Variants in MED12L observed in about 807,000 individuals in gnomAD.
MED12L encodes the protein mediator complex subunit 12L.
In MED12L, 60 loss-of-function variants were observed where a neutral mutation model predicts 281.3. The ratio of observed to expected loss-of-function variants is 0.21; its 90% CI spans 0.17 to 0.26. MED12L has a LOEUF of 0.26. Ranked by LOEUF, MED12L falls within the 10% of genes least tolerant of loss-of-function variation. MED12L has a pLI of 1.00. For synonymous variants in MED12L, 974 were observed against 987.2 expected (o/e 0.99, Z 0.25); for missense variants, 2,146 against 2,680.9 (o/e 0.80, Z 4.41).
At chr3:151,219,873 T>C (rs1245000030) in intron 16 of MED12L, among the ~76,000 whole-genome samples, 1 of 142,142 alleles carries the variant, frequency 7.0e-6, no homozygotes, top group Non-Finnish European at 1.5e-5. Context: ...GAAGTGGTTT[T>C]GGTTATTGGT....
chr3:151,387,915 G>A lies in MED12L; in HGVS notation c.5194G>A (p.Asp1732Asn), dbSNP rs771030213. ...SWAWFGTVRV[D>N]RRVIKYEEQH... ...GGCCTGGTTTGGGACAGTCCGAGTGGACCGAAGAGTGATCAAGTACGAGGA... is the reference window on the plus strand; with the variant it reads ...GGCCTGGTTTGGGACAGTCCGAGTGAACCGAAGAGTGATCAAGTACGAGGA... Residue 1732 changes from aspartate (D) to asparagine (N), a missense_variant, in exon 37 of 45, where the codon GAC (aspartate) becomes AAC (asparagine). Physicochemically the swap from Asp to Asn is conservative, Grantham distance 23. Coordinates refer to ENST00000687756, the MANE Select transcript of MED12L (RefSeq NM_001393769.1). 5.0e-6 allele frequency: 8 copies of A among 1,613,964 alleles called. No individual in the cohort carries two copies. The highest frequency in any genetic ancestry group is 1.6e-4 in the Middle Eastern group (1 of 6,082).
At chr3:151,294,826 A>G (rs888845305) in intron 16 of MED12L, 2 of 1,614,184 alleles carry the variant, frequency 1.2e-6, no homozygotes, top group Non-Finnish European at 1.7e-6. Context: ...CCACCTTCAG[A>G]TAGCGATCAA....
At chr3:151,159,130 T>G (rs1310569529) in intron 7 of MED12L, among the ~76,000 whole-genome samples, 1 of 151,212 alleles carries the variant, frequency 6.6e-6, no homozygotes, top group African/African-American at 2.4e-5. Flanking sequence ...ACAAAACAAA[T>G]CATCCCTTTT....
intron 39 of MED12L, among the ~76,000 whole-genome samples, chr3:151,408,580 C>CA (rs1716601596): frequency 6.6e-6 from 1 of 152,106 alleles, no homozygotes; most frequent in Non-Finnish European, 1.5e-5. Context: ...ACACACATAC[C>CA]ATTGCTCTTG....
chr3:151,334,196 C>CTTTTTTTTTT (rs71138494), intron 16 of MED12L, among the ~76,000 whole-genome samples: 31 of 118,188 alleles, frequency 2.6e-4, no homozygotes, highest in Non-Finnish European at 3.9e-4. Flanking sequence ...TTCTTTCTTT[C>CTTTTTTTTTT]TTTTTTTTTT....
intron 2 of MED12L, among the ~76,000 whole-genome samples, chr3:151,095,750 C>T (rs1249606738): frequency 2.0e-5 from 3 of 151,832 alleles, no homozygotes; most frequent in Non-Finnish European, 4.4e-5. Flanking sequence ...TTTTTTAAAG[C>T]CAGATCCTAG....
intron 16 of MED12L, among the ~76,000 whole-genome samples, chr3:151,197,168 TA>T (rs1724775250): frequency 6.6e-6 from 1 of 152,190 alleles, no homozygotes; most frequent in Admixed American, 6.5e-5. Flanking sequence ...TTTATTTATT[TA>T]CTTATTTATT....
intron 16 of MED12L, among the ~76,000 whole-genome samples, chr3:151,242,233 A>C (rs1316423664): frequency 6.6e-6 from 1 of 152,250 alleles, no homozygotes; most frequent in Non-Finnish European, 1.5e-5. Flanking sequence ...GATTAGGTAA[A>C]CAAAGCAGCC....
chr3:151,364,201 C>T (rs1396964323), intron 21 of MED12L, among the ~76,000 whole-genome samples: 1 of 152,162 alleles, frequency 6.6e-6, no homozygotes, highest in African/African-American at 2.4e-5. Flanking sequence ...TCAAATCTTT[C>T]TGCCAGTCTC....
At chr3:151,387,309 T>C (rs1417078781) in intron 36 of MED12L, among the ~76,000 whole-genome samples, 1 of 152,164 alleles carries the variant, frequency 6.6e-6, no homozygotes, top group Non-Finnish European at 1.5e-5. Flanking sequence ...AGAGTATGGC[T>C]TATTAAGTAC....
chr3:151,409,460 GATT>G, intron 40 of MED12L, 128 bp downstream of exon 40: 1 of 743,154 alleles, frequency 1.3e-6, no homozygotes, highest in East Asian at 2.8e-5. Flanking sequence ...TCTACTTATA[GATT>G]ATAATTGATA....
intron 16 of MED12L, among the ~76,000 whole-genome samples, chr3:151,223,858 A>AT (rs1257342716): frequency 1.3e-5 from 2 of 152,152 alleles, no homozygotes; most frequent in African/African-American, 4.8e-5. Flanking sequence ...AGAAAAGAAC[A>AT]TTGCCTACTC....
chr3:151,414,067 G>T (rs913340143), intron 42 of MED12L, among the ~76,000 whole-genome samples: 2 of 152,076 alleles, frequency 1.3e-5, no homozygotes, highest in South Asian at 2.1e-4. Context: ...GGCCAGGCTG[G>T]TCTCAAACTC....
chr3:151,151,807 AAC>A (rs1199861063), intron 5 of MED12L, among the ~76,000 whole-genome samples: 2 of 152,340 alleles, frequency 1.3e-5, no homozygotes, highest in South Asian at 4.1e-4. Context: ...ACCAAAATGT[AAC>A]ACAGAGTCAT....
intron 2 of MED12L, among the ~76,000 whole-genome samples, chr3:151,092,619 G>T (rs530028860): frequency 5.9e-5 from 9 of 152,316 alleles, no homozygotes; most frequent in Admixed American, 2.0e-4. Context: ...CTGTTTTAGA[G>T]GCAGCTGGGG....
chr3:151,122,679 G>A (rs2148775012), intron 3 of MED12L, 104 bp from the exon 4 acceptor site: 2 of 774,480 alleles, frequency 2.6e-6, no homozygotes, highest in Admixed American at 3.5e-5. Flanking sequence ...CTGATGGGAT[G>A]TATGAAGATT....
At chr3:151,333,672 TAGA>T (rs1266229409) in intron 16 of MED12L, among the ~76,000 whole-genome samples, 3 of 152,238 alleles carry the variant, frequency 2.0e-5, no homozygotes, top group Non-Finnish European at 4.4e-5. Flanking sequence ...GGAAGTTTCC[TAGA>T]AGAAGGATTA....
chr3:151,432,149 G>T (rs997935145), intron 44 of MED12L, among the ~76,000 whole-genome samples: 1 of 152,184 alleles, frequency 6.6e-6, no homozygotes, highest in Non-Finnish European at 1.5e-5. Context: ...GAATACTCCA[G>T]AGTTAAACAA....
At chr3:151,427,145 A>G (rs867175942) in intron 43 of MED12L, among the ~76,000 whole-genome samples, 1 of 152,152 alleles carries the variant, frequency 6.6e-6, no homozygotes, top group African/African-American at 2.4e-5. Context: ...AAATTTCTTC[A>G]GTGTCTGGTT....
Sources: allele counts gnomAD v4.1 joint callset (sites outside exome capture counted in the v4.1 genomes callset), GRCh38; gene constraint gnomAD v4.1.1; transcripts MANE v1.5; gene names NCBI Gene and HGNC (gene_info 2026-07-23, HGNC 2026-07-21).